NKAIN3: variants seen among roughly 807,000 people sequenced by gnomAD.
The protein encoded by NKAIN3 is sodium/potassium transporting ATPase interacting 3.
In NKAIN3, 25 loss-of-function variants were observed where a neutral mutation model predicts 30.2. The observed-to-expected ratio is 0.83, with a 90% CI of 0.60 to 1.16. The LOEUF (loss-of-function observed/expected upper bound fraction) is 1.16, where lower values mean the gene tolerates loss of function less well. NKAIN3 is among the 50% of genes most tolerant of loss of function. The probability of loss-of-function intolerance (pLI) is 0.00; values close to 1 mark genes in which losing one functional copy is unlikely to be tolerated. For synonymous variants in NKAIN3, 91 were observed against 89.6 expected, an observed-to-expected ratio of 1.02 and a Z score of -0.09; for missense variants, 225 against 254.1, an observed-to-expected ratio of 0.89 and a Z score of 0.78.
intron 3 of NKAIN3, among the ~76,000 whole-genome samples, chr8:62,740,888 A>G (rs1053917864): frequency 2.0e-5 from 3 of 152,140 alleles, no homozygotes; most frequent in Non-Finnish European, 4.4e-5. Flanking sequence ...ACCATGGAAT[A>G]CATTTCTTTT....
chr8:62,682,265 G>T (rs1213420491), intron 3 of NKAIN3, among the ~76,000 whole-genome samples: 1 of 152,130 alleles, frequency 6.6e-6, no homozygotes, highest in Non-Finnish European at 1.5e-5. Context: ...CTTACCTGGA[G>T]ATGAGATAAT....
chr8:62,941,700 CA>C (rs1822957616), intron 5 of NKAIN3, among the ~76,000 whole-genome samples: 1 of 152,056 alleles, frequency 6.6e-6, no homozygotes, highest in Admixed American at 6.6e-5. Flanking sequence ...AAGCATTTGG[CA>C]AAATCCAGCA....
chr8:62,916,097 T>C (rs139103992), intron 4 of NKAIN3, among the ~76,000 whole-genome samples: 259 of 150,280 alleles, frequency 1.7e-3, no homozygotes, highest in Admixed American at 3.5e-3. Flanking sequence ...GGATAGATGA[T>C]ACAAACTTTC....
chr8:62,922,859 T>C (rs1475977429), intron 5 of NKAIN3, among the ~76,000 whole-genome samples: 2 of 152,096 alleles, frequency 1.3e-5, no homozygotes. Context: ...ATTTTCCTAA[T>C]TTGCTGAGAT....
chr8:62,601,643 G>A (rs1810986852), intron 3 of NKAIN3, among the ~76,000 whole-genome samples: 1 of 151,996 alleles, frequency 6.6e-6, no homozygotes, highest in African/African-American at 2.4e-5. Flanking sequence ...TAGTGGCTGT[G>A]AGTATCTGCC....
At chr8:62,561,992 G>A (rs572589453) in intron 1 of NKAIN3, among the ~76,000 whole-genome samples, 7 of 152,106 alleles carry the variant, frequency 4.6e-5, no homozygotes, top group Non-Finnish European at 1.0e-4. Context: ...CTTCCTGGAA[G>A]CAAGAATGAG....
intron 1 of NKAIN3, among the ~76,000 whole-genome samples, chr8:62,407,289 A>T (rs1040957284): frequency 6.7e-6 from 1 of 150,354 alleles, no homozygotes; most frequent in Admixed American, 6.6e-5. Context: ...ATATGTGTGT[A>T]TATATATATA....
intron 4 of NKAIN3, among the ~76,000 whole-genome samples, chr8:62,751,215 C>T (rs895789282): frequency 4.6e-5 from 7 of 152,186 alleles, no homozygotes; most frequent in African/African-American, 1.7e-4. Flanking sequence ...CCCCCAAGTC[C>T]CTTCTCCCTC....
At chr8:62,410,889 A>C (rs1238982943) in intron 1 of NKAIN3, among the ~76,000 whole-genome samples, 2 of 152,180 alleles carry the variant, frequency 1.3e-5, no homozygotes, top group African/African-American at 2.4e-5. Context: ...ACAACAACAA[A>C]AAAATCAGTG....
At chr8:62,824,958 T>C (rs899675) in intron 4 of NKAIN3, among the ~76,000 whole-genome samples, 82,415 of 152,004 alleles carry the variant, frequency 0.54, 24,119 homozygotes, top group Non-Finnish European at 0.67. Context: ...TCACAGAATG[T>C]AGAACCCAAA....
chr8:62,563,229 G>C (rs1585950864), intron 1 of NKAIN3, among the ~76,000 whole-genome samples: 1 of 152,114 alleles, frequency 6.6e-6, no homozygotes, highest in Non-Finnish European at 1.5e-5. Flanking sequence ...CTTTTGCATG[G>C]GAGTTAGAAG....
At chr8:62,266,668 C>A (rs960385756) in intron 1 of NKAIN3, among the ~76,000 whole-genome samples, 12 of 152,094 alleles carry the variant, frequency 7.9e-5, no homozygotes, top group Non-Finnish European at 1.2e-4. Context: ...AGGTTGAGGA[C>A]TAGCTAAAAC....
At chr8:62,319,282 G>T (rs1158260912) in intron 1 of NKAIN3, among the ~76,000 whole-genome samples, 1 of 151,948 alleles carries the variant, frequency 6.6e-6, no homozygotes, top group Non-Finnish European at 1.5e-5. Context: ...CAAAAAACCC[G>T]CTGCTGGATT....
At chr8:62,958,300 T>G (rs1823478508) in intron 6 of NKAIN3, among the ~76,000 whole-genome samples, 1 of 151,990 alleles carries the variant, frequency 6.6e-6, no homozygotes, top group South Asian at 2.1e-4. Context: ...TCGAGATGCT[T>G]TCAGTGGTGG....
intron 3 of NKAIN3, among the ~76,000 whole-genome samples, chr8:62,678,603 T>C (rs1813552377): frequency 6.6e-6 from 1 of 151,690 alleles, no homozygotes; most frequent in Non-Finnish European, 1.5e-5. Flanking sequence ...ATTTCAAACA[T>C]ATTAGTACCA....
intron 3 of NKAIN3, among the ~76,000 whole-genome samples, chr8:62,609,614 A>T (rs966276869): frequency 6.6e-6 from 1 of 152,142 alleles, no homozygotes; most frequent in Non-Finnish European, 1.5e-5. Context: ...AAATAAATAA[A>T]TATACACTAT....
chr8:62,634,916 G>T (rs1338690391), intron 3 of NKAIN3, among the ~76,000 whole-genome samples: 1 of 152,060 alleles, frequency 6.6e-6, no homozygotes, highest in Non-Finnish European at 1.5e-5. Flanking sequence ...GGAGAAAAAA[G>T]ACAGAAAGAA....
intron 1 of NKAIN3, among the ~76,000 whole-genome samples, chr8:62,521,054 G>T (rs1808139893): frequency 6.6e-6 from 1 of 151,658 alleles, no homozygotes; most frequent in African/African-American, 2.4e-5. Flanking sequence ...GGGAGAGATT[G>T]TTTAGCCGTA....
At chr8:62,825,001 C>T (rs1416322487) in intron 4 of NKAIN3, among the ~76,000 whole-genome samples, 1 of 152,136 alleles carries the variant, frequency 6.6e-6, no homozygotes, top group African/African-American at 2.4e-5. Context: ...CCAAGCATGT[C>T]AAATGCAGGG....
Sources: gnomAD v4.1 joint callset for allele counts (sites outside exome capture counted in the v4.1 genomes callset) on GRCh38, gnomAD v4.1.1 for gene constraint, MANE v1.5 for transcripts, NCBI Gene and HGNC (gene_info 2026-07-23, HGNC 2026-07-21) for gene names.